ULK2: variants seen among roughly 807,000 people sequenced by gnomAD.
ULK2 encodes the protein serine/threonine-protein kinase ULK2.
ULK2 carries 76 observed loss-of-function variants against 127.5 expected under a neutral mutation model. The ratio of observed to expected loss-of-function variants is 0.60; its 90% confidence interval spans 0.50 to 0.72. The LOEUF is 0.72. Among genes scored for constraint, ULK2 ranks in the 30% least tolerant of loss-of-function variants. ULK2 has a pLI of 0.00. For synonymous variants in ULK2, 452 were observed against 461.9 expected, an observed-to-expected ratio of 0.98 and a Z score of 0.28; for missense variants, 1,144 against 1,295.9, an observed-to-expected ratio of 0.88 and a Z score of 1.80.
intron 3 of ULK2, among the ~76,000 whole-genome samples, chr17:19,859,228 T>C (rs1199577977): frequency 6.6e-6 from 1 of 151,662 alleles, no homozygotes; most frequent in Non-Finnish European, 1.5e-5. Flanking sequence ...AAAGAACTAG[T>C]ATAGGCTGAG....
intron 10 of ULK2, among the ~76,000 whole-genome samples, chr17:19,834,488 C>G (rs757083257): frequency 6.7e-6 from 1 of 148,524 alleles, no homozygotes; most frequent in Non-Finnish European, 1.5e-5. Flanking sequence ...TATATTAGAA[C>G]TAAAAAAATG....
In ULK2 at chr17:19,782,035, AT is replaced by A. The variant is rs2086930193; in HGVS notation, c.2492del (p.Asn831MetfsTer2). ...CACACTCAGTGAACATCAGCATCAC[AT>A]TCAGATGGCGTAAGGTGTCTGTGTG... Reference protein sequence around the residue: ...REHTDTLRHLNVMLMFTECVL... With the variant: ...REHTDTLRHLXVMLMFTECVL... On this transcript the variant is annotated frameshift_variant, in exon 23 of 27. Transcript: ENST00000395544. LOFTEE classifies it high-confidence loss of function. 6.2e-7 allele frequency: 1 copy of A among 1,614,084 alleles called. No individual in the cohort carries two copies. The highest frequency in any genetic ancestry group is 1.3e-5 in the African/African-American group (1 of 74,932).
chr17:19,822,638 G>A (rs2041181141), intron 12 of ULK2, among the ~76,000 whole-genome samples: 1 of 151,676 alleles, frequency 6.6e-6, no homozygotes, highest in Non-Finnish European at 1.5e-5. Flanking sequence ...AAAGTGCTGG[G>A]ATTATAGGCA....
intron 24 of ULK2, 62 bp from the exon 25 acceptor site, chr17:19,780,691 T>C (rs1440180408): frequency 1.8e-5 from 27 of 1,494,598 alleles, no homozygotes; most frequent in Middle Eastern, 4.1e-4. Context: ...GACACAGTTA[T>C]ATGTATCTTT....
chr17:19,805,481 T>C (rs1201074082), intron 14 of ULK2, among the ~76,000 whole-genome samples: 6 of 152,086 alleles, frequency 3.9e-5, no homozygotes, highest in African/African-American at 1.2e-4. Context: ...CTAAGAGAGA[T>C]GACTTATTTC....
chr17:19,820,008 T>C (rs1300844968), intron 12 of ULK2, among the ~76,000 whole-genome samples: 1 of 151,770 alleles, frequency 6.6e-6, no homozygotes, highest in African/African-American at 2.4e-5. Flanking sequence ...GTGGATCATA[T>C]CACTCACTCT....
chr17:19,829,092 A>G (rs1178268528), intron 10 of ULK2, among the ~76,000 whole-genome samples: 2 of 151,558 alleles, frequency 1.3e-5, no homozygotes, highest in Non-Finnish European at 2.9e-5. Flanking sequence ...AAAGAAAAAG[A>G]GACTCGCTTT....
At chr17:19,862,922 T>C (rs531033850) in intron 3 of ULK2, among the ~76,000 whole-genome samples, 16 of 152,180 alleles carry the variant, frequency 1.1e-4, no homozygotes, top group African/African-American at 3.6e-4. Flanking sequence ...ACTCAAAAAC[T>C]TGCAAAGCAG....
chr17:19,849,800 AT>A, intron 3 of ULK2, 26 bp from the exon 4 acceptor site: 1 of 1,422,228 alleles, frequency 7.0e-7, no homozygotes, highest in Non-Finnish European at 9.6e-7. Context: ...ATTAAATATC[AT>A]TTAGAGAAAA....
At chr17:19,779,157 A>G (rs964051698) in intron 25 of ULK2, among the ~76,000 whole-genome samples, 5 of 152,222 alleles carry the variant, frequency 3.3e-5, no homozygotes, top group Non-Finnish European at 4.4e-5. Flanking sequence ...AAATAAGGCC[A>G]CGGATGTAAT....
intron 13 of ULK2, among the ~76,000 whole-genome samples, chr17:19,814,456 T>TGTTTTTTTG (rs71157834): frequency 3.8e-4 from 7 of 18,254 alleles, no homozygotes; most frequent in Admixed American, 1.0e-3. Flanking sequence ...TTTTTTTTTT[T>TGTTTTTTTG]TTTTTTTGGA....
rs543518682 is a variant in ULK2, at chr17:19,867,825, G to A, written c.-408C>T. 1 of 151,304 alleles carries A rather than the reference G, an allele frequency of 6.6e-6. No homozygotes were observed. The highest frequency in any genetic ancestry group is 2.1e-4 in the South Asian group (1 of 4,830). The allele number at this position is 151,304 out of a possible 1,614,324, so 9.4% of individuals were successfully genotyped here. A position where few individuals can be genotyped will look rare whatever the true frequency, so the allele number is the denominator to read the frequency against. ...CTCGGCCCTCCCCGCTCGGGGCGCT[G>A]CTGCGACGGCGACGGCCGCCGCCCT... On this transcript the variant is annotated 5_prime_UTR_variant, in exon 1 of 27. Coordinates refer to ENST00000395544, the MANE Select transcript of ULK2 (RefSeq NM_014683.4).
At chr17:19,845,403 A>G in intron 6 of ULK2, 26 bp from the exon 7 acceptor site, 6 of 1,580,654 alleles carry the variant, frequency 3.8e-6, no homozygotes, top group Non-Finnish European at 4.3e-6. Context: ...GAAAGTAGAA[A>G]AGCAAATTAC....
At chr17:19,782,168 T>C (rs918945101) in intron 22 of ULK2, 101 bp from the exon 23 acceptor site, 2 of 1,189,242 alleles carry the variant, frequency 1.7e-6, no homozygotes, top group Non-Finnish European at 1.2e-6. Flanking sequence ...TTTCTATACT[T>C]ATGAGTATCA....
intron 10 of ULK2, among the ~76,000 whole-genome samples, chr17:19,838,026 C>G (rs1446070900): frequency 6.6e-6 from 1 of 152,192 alleles, no homozygotes; most frequent in Non-Finnish European, 1.5e-5. Flanking sequence ...AGGCATGCTC[C>G]CAGCCCTCAT....
At chr17:19,841,594 C>T (rs760721814) in intron 8 of ULK2, 47 bp from the exon 9 acceptor site, 2 of 1,446,932 alleles carry the variant, frequency 1.4e-6, no homozygotes, top group South Asian at 2.6e-5. Flanking sequence ...GGGGGCAAAA[C>T]TTTCAAATCA....
In ULK2 at chr17:19,821,504, T is replaced by C. The variant is rs114826921; in HGVS notation, c.924+3590A>G. Among the ~76,000 whole-genome samples the C allele has an allele frequency of 2.2e-3, 337 of 152,282 alleles. 1 individual carries two copies. Among genetic ancestry groups the C allele is most frequent in the African/African-American group, 7.8e-3 (323 of 41,564 alleles). The stretch of plus-strand genomic sequence containing the variant: ...TGAGAATGTAAAAACGACAACGTTA[T>C]ATCACATGCCTGTGTATCTCAAGCC... On this transcript the variant is annotated intron_variant, in intron 12 of 26. Transcript: ENST00000395544.
chr17:19,839,660 CAA>C (rs58657992), intron 9 of ULK2, among the ~76,000 whole-genome samples: 18 of 70,304 alleles, frequency 2.6e-4, no homozygotes, highest in Admixed American at 4.8e-4. Context: ...GACTCTGTCT[CAA>C]AAAAAAAAAA....
intron 25 of ULK2, among the ~76,000 whole-genome samples, chr17:19,779,385 A>C (rs1286394642): frequency 2.0e-5 from 3 of 152,088 alleles, no homozygotes; most frequent in Admixed American, 2.0e-4. Context: ...CACAAAAATT[A>C]GCTGGGTGTG....
Sources: gnomAD v4.1 joint callset for allele counts (sites outside exome capture counted in the v4.1 genomes callset) on GRCh38, gnomAD v4.1.1 for gene constraint, MANE v1.5 for transcripts, NCBI Gene and HGNC (gene_info 2026-07-23, HGNC 2026-07-21) for gene names.